The following MYH15 variants were observed in gnomAD, a reference collection of about 807,000 sequenced individuals.
MYH15 encodes myosin heavy chain 15, also known as myosin-15.
Under a neutral mutation model 240.5 loss-of-function variants are expected in MYH15, and 227 were observed. The ratio of observed to expected loss-of-function variants is 0.94; its 90% CI spans 0.85 to 1.05. The LOEUF is 1.05. Among genes scored for constraint, MYH15 ranks in the 50% least tolerant of loss-of-function variants. MYH15 has a pLI of 0.00. For synonymous variants in MYH15, 785 were observed against 796.7 expected (o/e 0.99, Z 0.25); for missense variants, 2,217 against 2,247.5 (o/e 0.99, Z 0.27).
At chr3:108,529,287 T>A in exon 1 of MYH15, 1 of 1,587,076 alleles carries the variant, frequency 6.3e-7, no homozygotes, top group Non-Finnish European at 8.6e-7. Context: ...TAAGATGAGG[T>A]AAATACAATT....
chr3:108,414,499 T>A (rs79578015), intron 29 of MYH15, 71 bp from the exon 30 acceptor site: 1 of 1,104,670 alleles, frequency 9.1e-7, no homozygotes, highest in South Asian at 2.0e-5. Flanking sequence ...AGTAAGCTAA[T>A]TTTTTTTTTA....
chr3:108,476,103 T>G (rs753021635), intron 12 of MYH15, among the ~76,000 whole-genome samples: 8 of 152,208 alleles, frequency 5.3e-5, no homozygotes, highest in Non-Finnish European at 1.2e-4. Flanking sequence ...GAAAGCTTCC[T>G]CGCTGGATGA....
At chr3:108,543,348 A>G in the MYH15 span, 1 of 152,206 alleles carries the variant, frequency 6.6e-6, no homozygotes, top group African/African-American at 2.4e-5. Context: ...AGAATGATTT[A>G]TATTCCTTTG....
At chr3:108,487,174 C>T (rs921388319) in intron 9 of MYH15, among the ~76,000 whole-genome samples, 2 of 152,222 alleles carry the variant, frequency 1.3e-5, no homozygotes, top group South Asian at 2.1e-4. Context: ...CTGTCAGCCG[C>T]GCATCATCAG....
upstream of MYH15, among the ~76,000 whole-genome samples, chr3:108,531,277 C>T (rs555202559): frequency 6.6e-5 from 10 of 152,094 alleles, no homozygotes; most frequent in Non-Finnish European, 1.0e-4. Flanking sequence ...CCAGAGAAGC[C>T]GGTGGGACCC....
At chr3:108,470,463 T>G (rs1482401943) in intron 13 of MYH15, among the ~76,000 whole-genome samples, 2 of 152,154 alleles carry the variant, frequency 1.3e-5, no homozygotes, top group African/African-American at 4.8e-5. Flanking sequence ...ATTAATTCCT[T>G]TACCTCCATT....
intron 22 of MYH15, among the ~76,000 whole-genome samples, chr3:108,441,712 G>A (rs1215399158): frequency 6.6e-6 from 1 of 152,204 alleles, no homozygotes; most frequent in African/African-American, 2.4e-5. Flanking sequence ...ATGGATGTAC[G>A]TGTTTAATAT....
At chr3:108,494,322 C>G (rs1431671083) in intron 7 of MYH15, among the ~76,000 whole-genome samples, 1 of 152,134 alleles carries the variant, frequency 6.6e-6, no homozygotes, top group Non-Finnish European at 1.5e-5. Context: ...TATATGTATA[C>G]ATACCTATTT....
the MYH15 span, among the ~76,000 whole-genome samples, chr3:108,539,852 A>G: frequency 6.6e-6 from 1 of 152,134 alleles, no homozygotes; most frequent in African/African-American, 2.4e-5. Flanking sequence ...ATTGTTTCAC[A>G]GGTCAGTTCT....
chr3:108,399,925 C>G (rs762128426), intron 33 of MYH15, among the ~76,000 whole-genome samples: 1 of 152,128 alleles, frequency 6.6e-6, no homozygotes, highest in African/African-American at 2.4e-5. Flanking sequence ...TGCAAAGTGA[C>G]AGAAGACAAT....
chr3:108,436,769 C>T (rs191707912), intron 25 of MYH15, among the ~76,000 whole-genome samples: 258 of 152,278 alleles, frequency 1.7e-3, no homozygotes, highest in African/African-American at 5.9e-3. Context: ...AATCTCTTGA[C>T]CTCGTGATCC....
Position 108,492,531 on chromosome 3 carries a change from A to G in MYH15, c.840T>C (p.Tyr280=). 1 of 1,613,504 alleles carries G rather than the reference A, an allele frequency of 6.2e-7. No individual in the cohort carries two copies. The highest frequency in any genetic ancestry group is 8.5e-7 in the Non-Finnish European group (1 of 1,179,536). Residue 280 remains tyrosine, a synonymous_variant, in exon 9 of 41, where the codon TAT becomes TAC. Transcript: ENST00000693548. ...QAGERNYHIF[Y]QILSGQKELH... ...GCTCTTTTTGTCCAGATAGAATTTG[A>G]TAGAATATGTGGTAGTTCCTCTCTC... is the stretch of plus-strand genomic sequence containing the variant.
In MYH15 at chr3:108,419,516, T is replaced by C. The variant is rs376027467; in HGVS notation, c.3829+1572A>G. Among the ~76,000 whole-genome samples the C allele has an allele frequency of 8.5e-5, 13 of 152,286 alleles. 1 individual carries two copies. The highest frequency in any genetic ancestry group is 7.2e-4 in the Admixed American group (11 of 15,302). On this transcript the variant is annotated intron_variant, in intron 28 of 40. Transcript: ENST00000693548. ...AAATAGATTTTACACAGCACTTCCTTTAGGGCCAGACATCCAGGTATTCTC... is the reference window on the plus strand; with the variant it reads ...AAATAGATTTTACACAGCACTTCCTCTAGGGCCAGACATCCAGGTATTCTC...
chr3:108,455,985 C>A, intron 19 of MYH15, 126 bp from the exon 20 acceptor site: 1 of 919,254 alleles, frequency 1.1e-6, no homozygotes, highest in Non-Finnish European at 1.6e-6. Flanking sequence ...GTTCAATTTT[C>A]ACAAGATTCT....
chr3:108,428,660 C>T lies in MYH15; in HGVS notation c.3534G>A (p.Glu1178=). The part of the protein sequence containing the change: ...RDMEEATLHF[E]TTSASLKKRH... ...TCTTCTTCAAAGATGCAGAAGTTGTCTCAAAGTGCAGAGTGGCCTCTTCCA... is the reference window on the plus strand; with the variant it reads ...TCTTCTTCAAAGATGCAGAAGTTGTTTCAAAGTGCAGAGTGGCCTCTTCCA... The change falls in exon 27 of 41, where the codon GAG becomes GAA. Residue 1178 remains glutamate, a synonymous_variant. Transcript: ENST00000693548. The T allele has an allele frequency of 6.2e-7, 1 of 1,613,826 alleles. No individual in the cohort carries two copies. The highest frequency in any genetic ancestry group is 8.5e-7 in the Non-Finnish European group (1 of 1,179,994).
At chr3:108,478,137 A>G (rs1039399527) in intron 11 of MYH15, among the ~76,000 whole-genome samples, 2 of 152,168 alleles carry the variant, frequency 1.3e-5, no homozygotes, top group Non-Finnish European at 2.9e-5. Flanking sequence ...AATCACGAAC[A>G]GAAAATAAAG....
At chr3:108,508,784 A>T (rs1174320039) in intron 1 of MYH15, among the ~76,000 whole-genome samples, 1 of 152,130 alleles carries the variant, frequency 6.6e-6, no homozygotes, top group African/African-American at 2.4e-5. Flanking sequence ...CTAATATAAG[A>T]ATTATTTACA....
At chr3:108,505,655 G>C in intron 2 of MYH15, 68 bp downstream of exon 2, 1 of 838,362 alleles carries the variant, frequency 1.2e-6, no homozygotes, top group Non-Finnish European at 1.8e-6. Context: ...AAATATTATA[G>C]AAATAATATA....
At chr3:108,473,381 G>T (rs892420606) in intron 12 of MYH15, among the ~76,000 whole-genome samples, 1 of 152,128 alleles carries the variant, frequency 6.6e-6, no homozygotes, top group Non-Finnish European at 1.5e-5. Flanking sequence ...TGTAGCTCAG[G>T]GTTGTTGTGA....
Sources: gnomAD v4.1 joint callset for allele counts (sites outside exome capture counted in the v4.1 genomes callset) on GRCh38, gnomAD v4.1.1 for gene constraint, MANE v1.5 for transcripts, NCBI Gene and HGNC (gene_info 2026-07-23, HGNC 2026-07-21) for gene names.